ADARB2: variants seen among roughly 807,000 people sequenced by gnomAD.
ADARB2 encodes adenosine deaminase RNA specific B2 (inactive), also known as inactive double-stranded RNA-specific editase B2.
In ADARB2, 25 loss-of-function variants were observed where a neutral mutation model predicts 62.2. The observed-to-expected ratio is 0.40, with a 90% CI of 0.29 to 0.56. The LOEUF is 0.56. Among genes scored for constraint, ADARB2 ranks in the 20% least tolerant of loss-of-function variants. The pLI, the probability that ADARB2 is intolerant of heterozygous loss-of-function variation, is 0.43. For synonymous variants in ADARB2, 572 were observed against 500.8 expected, an observed-to-expected ratio of 1.14 and a Z score of -1.90; for missense variants, 1,071 against 1,077.4, an observed-to-expected ratio of 0.99 and a Z score of 0.08.
chr10:1,521,373 T>A (rs1019279105), intron 1 of ADARB2, among the ~76,000 whole-genome samples: 1 of 152,192 alleles, frequency 6.6e-6, no homozygotes, highest in African/African-American at 2.4e-5. Flanking sequence ...AAAACCTCGC[T>A]TCAGTCTTTT....
At chr10:1,206,421 GAACTGGGGCGTCTCCTCC>G (rs539134181) in intron 7 of ADARB2, among the ~76,000 whole-genome samples, 2,425 of 151,828 alleles carry the variant, frequency 0.016, 30 homozygotes, top group Middle Eastern at 0.034. Flanking sequence ...TGGTCTGAGA[GAACTGGGGCGTCTCCTCC>G]AACTGGGGCG....
rs1187945583 is a variant in ADARB2, at chr10:1,398,969, C to T, written c.101-19809G>A. On this transcript the variant is annotated intron_variant, in intron 1 of 9. Coordinates refer to ENST00000381312, the MANE Select transcript of ADARB2 (RefSeq NM_018702.4). The surrounding 1 kb of genome is among the most constrained non-coding windows in gnomAD (Gnocchi z 4.1). ...TCTAAGAGTGGGCACTTACTTCAGC[C>T]CTGGGAAATCTCTCCTCAGAGCCTG... 6.6e-6 allele frequency among the ~76,000 whole-genome samples: 1 copy of T among 152,100 alleles called. No individual in the cohort carries two copies. The highest frequency in any genetic ancestry group is 2.4e-5 in the African/African-American group (1 of 41,406).
At chr10:1,587,664 ATT>A (rs1435827976) in intron 1 of ADARB2, among the ~76,000 whole-genome samples, 1 of 152,104 alleles carries the variant, frequency 6.6e-6, no homozygotes, top group African/African-American at 2.4e-5. Flanking sequence ...GAAACCAAGC[ATT>A]TTATTTTTTT....
At chr10:1,516,286 C>A (rs1832007919) in intron 1 of ADARB2, among the ~76,000 whole-genome samples, 1 of 152,212 alleles carries the variant, frequency 6.6e-6, no homozygotes, top group Non-Finnish European at 1.5e-5. Flanking sequence ...TTTCCCAGGA[C>A]AATGGAGGCC....
intron 3 of ADARB2, among the ~76,000 whole-genome samples, chr10:1,355,411 G>T (rs534525151): frequency 7.9e-5 from 12 of 152,188 alleles, no homozygotes; most frequent in Non-Finnish European, 1.2e-4. Flanking sequence ...GACTTTGGAC[G>T]TGGGACTCAG....
chr10:1,709,591 A>G (rs1179959569), intron 1 of ADARB2, among the ~76,000 whole-genome samples: 1 of 152,230 alleles, frequency 6.6e-6, no homozygotes, highest in Non-Finnish European at 1.5e-5. Flanking sequence ...AAGCTGAATT[A>G]TGTGTCATTA....
At chr10:1,457,980 C>A (rs1350969756) in intron 1 of ADARB2, among the ~76,000 whole-genome samples, 1 of 144,618 alleles carries the variant, frequency 6.9e-6, no homozygotes, top group South Asian at 2.2e-4. Flanking sequence ...TAACCATTTG[C>A]CTCATTGCTT....
chr10:1,373,925 C>T (rs1832398690), intron 2 of ADARB2, among the ~76,000 whole-genome samples: 1 of 151,712 alleles, frequency 6.6e-6, no homozygotes, highest in Non-Finnish European at 1.5e-5. Context: ...GTGGGCTCCG[C>T]GCACCCTTCC....
At chr10:1,467,626 C>T (rs922877039) in intron 1 of ADARB2, among the ~76,000 whole-genome samples, 1 of 152,204 alleles carries the variant, frequency 6.6e-6, no homozygotes, top group Non-Finnish European at 1.5e-5. Flanking sequence ...AAAACCAGCA[C>T]ACACGGACTA....
At chr10:1,633,554 ATCTATC>A (rs1564353004) in intron 1 of ADARB2, among the ~76,000 whole-genome samples, 2,030 of 71,066 alleles carry the variant, frequency 0.029, 22 homozygotes, top group South Asian at 0.046. Flanking sequence ...TCTATCATCT[ATCTATC>A]TATCTATCTA....
chr10:1,623,845 G>A (rs1833735842), intron 1 of ADARB2, among the ~76,000 whole-genome samples: 1 of 152,202 alleles, frequency 6.6e-6, no homozygotes, highest in South Asian at 2.1e-4. Flanking sequence ...CCCTTCAGTA[G>A]GCACTATTAT....
At chr10:1,547,389 G>A (rs190543745) in intron 1 of ADARB2, among the ~76,000 whole-genome samples, 8 of 116,994 alleles carry the variant, frequency 6.8e-5, no homozygotes, top group African/African-American at 1.6e-4. Context: ...TACTGTGTTG[G>A]GGGGAGAGGC....
intron 1 of ADARB2, among the ~76,000 whole-genome samples, chr10:1,650,119 G>A (rs932592838): frequency 1.3e-5 from 2 of 152,208 alleles, no homozygotes; most frequent in Admixed American, 6.5e-5. Flanking sequence ...CCATAAATAT[G>A]GTGGTGGTGT....
chr10:1,367,503 G>A (rs1197056318), intron 2 of ADARB2, among the ~76,000 whole-genome samples: 1 of 152,194 alleles, frequency 6.6e-6, no homozygotes, highest in African/African-American at 2.4e-5. Flanking sequence ...AGGAGAAAGG[G>A]CTGAGTGCAA....
chr10:1,696,519 T>C (rs557615219), intron 1 of ADARB2, among the ~76,000 whole-genome samples: 1 of 152,330 alleles, frequency 6.6e-6, no homozygotes, highest in South Asian at 2.1e-4. Flanking sequence ...ATTCCTAACA[T>C]TGTGATTAAA....
At chr10:1,405,020 C>T (rs1387312747) in intron 1 of ADARB2, among the ~76,000 whole-genome samples, 2 of 152,214 alleles carry the variant, frequency 1.3e-5, no homozygotes, top group African/African-American at 2.4e-5. Flanking sequence ...CCGGCGCCTG[C>T]GTGGAGGATC....
intron 1 of ADARB2, among the ~76,000 whole-genome samples, chr10:1,715,818 A>G (rs1835009865): frequency 6.6e-6 from 1 of 152,204 alleles, no homozygotes; most frequent in Non-Finnish European, 1.5e-5. Flanking sequence ...CAGTTAGGCA[A>G]TGGCCTCCAA....
At chr10:1,349,042 C>G (rs1000058618) in intron 3 of ADARB2, among the ~76,000 whole-genome samples, 1 of 152,122 alleles carries the variant, frequency 6.6e-6, no homozygotes, top group Non-Finnish European at 1.5e-5. Context: ...CCAAGCTAAG[C>G]CATCATATCC....
chr10:1,593,833 G>T (rs559499230), intron 1 of ADARB2, among the ~76,000 whole-genome samples: 1 of 152,174 alleles, frequency 6.6e-6, no homozygotes, highest in South Asian at 2.1e-4. Flanking sequence ...ATGGTTTGGG[G>T]GAATTTTATA....
Sources: allele counts gnomAD v4.1 joint callset (sites outside exome capture counted in the v4.1 genomes callset), GRCh38; gene constraint gnomAD v4.1.1; non-coding constraint Gnocchi (gnomAD v3.1); transcripts MANE v1.5; gene names NCBI Gene and HGNC (gene_info 2026-07-23, HGNC 2026-07-21).